Variants in RIMS1 observed in about 807,000 individuals in gnomAD.
RIMS1 encodes the protein regulating synaptic membrane exocytosis protein 1.
In RIMS1, 83 loss-of-function variants were observed where a neutral mutation model predicts 214.1. The ratio of observed to expected loss-of-function variants is 0.39; its 90% CI spans 0.32 to 0.47. The LOEUF (loss-of-function observed/expected upper bound fraction) is 0.47. RIMS1 is among the 20% of genes least tolerant of loss of function. The pLI is 0.99. For synonymous variants in RIMS1, 793 were observed against 786.8 expected (o/e 1.01, Z -0.13); for missense variants, 2,050 against 2,161.8 (o/e 0.95, Z 1.03).
At chr6:72,213,350 G>C in intron 6 of RIMS1, 1 of 800,618 alleles carries the variant, frequency 1.2e-6, no homozygotes, top group African/African-American at 1.7e-5. Flanking sequence ...GGTGCACAGT[G>C]TTCTTAATTG....
intron 9 of RIMS1, among the ~76,000 whole-genome samples, chr6:72,238,605 T>C (rs534410152): frequency 6.6e-6 from 1 of 152,250 alleles, no homozygotes; most frequent in South Asian, 2.1e-4. Flanking sequence ...TTGTTTGCTT[T>C]TCATTTTTGT....
chr6:72,092,163 A>C (rs973837228), intron 2 of RIMS1, among the ~76,000 whole-genome samples: 1 of 152,208 alleles, frequency 6.6e-6, no homozygotes, highest in Non-Finnish European at 1.5e-5. Flanking sequence ...AAGGGCATTA[A>C]GGTTGTATTT....
chr6:72,327,413 C>G (rs757694961), intron 28 of RIMS1, among the ~76,000 whole-genome samples: 3 of 151,694 alleles, frequency 2.0e-5, no homozygotes, highest in Non-Finnish European at 4.4e-5. Flanking sequence ...CTCTATTCAT[C>G]AGTTGATGGG....
At chr6:72,178,053 T>C (rs2047950793) in intron 4 of RIMS1, among the ~76,000 whole-genome samples, 1 of 152,250 alleles carries the variant, frequency 6.6e-6, no homozygotes, top group Non-Finnish European at 1.5e-5. Flanking sequence ...ATATTGGTTA[T>C]AATACTTTGT....
In RIMS1 at chr6:72,080,074, T is replaced by TAAAAAA. The variant is rs770845471; in HGVS notation, c.246-16848_246-16843dup. 2.3e-3 allele frequency among the ~76,000 whole-genome samples: 52 copies of TAAAAAA among 22,410 alleles called. 2 individuals carry two copies. Among genetic ancestry groups the TAAAAAA allele is most frequent in the East Asian group, 3.4e-3 (2 of 588 alleles). 14.7% of individuals were successfully genotyped at this position (22,410 alleles called of 152,430 possible). A position where few individuals can be genotyped will look rare whatever the true frequency, so the allele number is the denominator to read the frequency against. ...CAACGTGGTGAAACCGTGTCTCTAC[T>TAAAAAA]AAAAAAAAAAAAAAAAAAAAAAAAA... On this transcript the variant is annotated intron_variant, in intron 2 of 33. Transcript: ENST00000521978.
chr6:72,110,814 A>C (rs1460762266), intron 4 of RIMS1, among the ~76,000 whole-genome samples: 1 of 152,148 alleles, frequency 6.6e-6, no homozygotes, highest in East Asian at 1.9e-4. Context: ...GTTTTTGCCC[A>C]TTCAGTATGA....
At chr6:71,959,172 G>A (rs1792175057) in intron 1 of RIMS1, among the ~76,000 whole-genome samples, 1 of 152,066 alleles carries the variant, frequency 6.6e-6, no homozygotes, top group East Asian at 1.9e-4. Context: ...TAAAAGCCCA[G>A]GTAATAACAC....
chr6:72,146,235 C>A (rs1026315345), intron 4 of RIMS1, among the ~76,000 whole-genome samples: 5 of 152,182 alleles, frequency 3.3e-5, no homozygotes, highest in African/African-American at 1.2e-4. Context: ...AAGGCAAAAT[C>A]TTTACGCAAC....
chr6:71,971,863 A>G (rs943799488), intron 2 of RIMS1, among the ~76,000 whole-genome samples: 2 of 152,174 alleles, frequency 1.3e-5, no homozygotes, highest in Non-Finnish European at 2.9e-5. Context: ...TGGGAATTCA[A>G]GATGAGATTT....
At chr6:72,163,800 G>A (rs1188680934) in intron 4 of RIMS1, among the ~76,000 whole-genome samples, 23 of 276 alleles carry the variant, frequency 0.083, 2 homozygotes, top group South Asian at 0.5. Flanking sequence ...CCTACTGGCT[G>A]GGGGGGGGGG....
intron 26 of RIMS1, among the ~76,000 whole-genome samples, chr6:72,305,091 GTCTTT>G (rs2095026611): frequency 2.0e-5 from 3 of 151,928 alleles, no homozygotes; most frequent in Admixed American, 2.0e-4. Flanking sequence ...TGTATTACCA[GTCTTT>G]TTATGATTTA....
At chr6:72,322,678 T>C (rs2096236843) in intron 28 of RIMS1, among the ~76,000 whole-genome samples, 1 of 152,078 alleles carries the variant, frequency 6.6e-6, no homozygotes, top group Non-Finnish European at 1.5e-5. Context: ...GTTTCAATTT[T>C]TGAAAGGAGG....
intron 1 of RIMS1, among the ~76,000 whole-genome samples, chr6:71,939,438 T>C (rs1785382433): frequency 1.3e-5 from 2 of 152,320 alleles, no homozygotes; most frequent in Non-Finnish European, 2.9e-5. Context: ...TTCAGATATT[T>C]GTTATAGCAA....
intron 4 of RIMS1, among the ~76,000 whole-genome samples, chr6:72,163,553 G>A (rs989891034): frequency 7.1e-6 from 1 of 140,618 alleles, no homozygotes; most frequent in Non-Finnish European, 1.6e-5. Context: ...ATGTATAAAT[G>A]GGTTTTTGGT....
chr6:72,020,982 T>A (rs1668472709), intron 2 of RIMS1, among the ~76,000 whole-genome samples: 1 of 152,220 alleles, frequency 6.6e-6, no homozygotes, highest in African/African-American at 2.4e-5. Flanking sequence ...TGTTTTATTT[T>A]AATTCCAAGA....
At chr6:71,951,406 A>G (rs1011376560) in intron 1 of RIMS1, among the ~76,000 whole-genome samples, 25 of 151,992 alleles carry the variant, frequency 1.6e-4, no homozygotes, top group Non-Finnish European at 3.1e-4. Flanking sequence ...CATTCAACCA[A>G]AAATTTTGGA....
chr6:72,307,442 A>C (rs2095268609), intron 27 of RIMS1, 72 bp downstream of exon 27: 2 of 945,190 alleles, frequency 2.1e-6, no homozygotes, highest in Admixed American at 2.4e-5. Context: ...GCAGGATTAG[A>C]AAGCACCGAA....
rs12174960 is a variant in RIMS1 at position 72,006,681 on chromosome 6, C to T, written c.245+37618C>T. Reference sequence around the variant, plus strand: ...AACGGCACACCAGGATATTATATCCCGTGCCTGGCTCGGAGGGTCCTATGC... The same window carrying T: ...AACGGCACACCAGGATATTATATCCTGTGCCTGGCTCGGAGGGTCCTATGC... On this transcript the variant is annotated intron_variant, in intron 2 of 33. Transcript: ENST00000521978. Among the ~76,000 whole-genome samples, 846 of 152,314 alleles carry T rather than the reference C, an allele frequency of 5.6e-3. 40 individuals are homozygous for T. The East Asian group carries it at 0.12, about 22-fold the overall frequency.
At chr6:72,340,809 A>G (rs2097053099) in intron 29 of RIMS1, among the ~76,000 whole-genome samples, 1 of 151,986 alleles carries the variant, frequency 6.6e-6, no homozygotes, top group Admixed American at 6.6e-5. Context: ...GTTTTTTCCA[A>G]TTCTGTGAAG....
Sources: gnomAD v4.1 joint callset for allele counts (sites outside exome capture counted in the v4.1 genomes callset) on GRCh38, gnomAD v4.1.1 for gene constraint, MANE v1.5 for transcripts, NCBI Gene and HGNC (gene_info 2026-07-23, HGNC 2026-07-21) for gene names.